The following SNX13 variants were observed in gnomAD, a reference collection of about 807,000 sequenced individuals.
The protein encoded by SNX13 is sorting nexin-13.
In SNX13, 45 loss-of-function variants were observed where a neutral mutation model predicts 133.6. That is an observed-to-expected ratio of 0.34 (90% CI 0.27 to 0.43). SNX13 has a LOEUF of 0.43. Ranked by LOEUF, SNX13 falls within the 20% of genes least tolerant of loss-of-function variation. The pLI, the probability that SNX13 is intolerant of heterozygous loss-of-function variation, is 1.00. For missense variants in SNX13, 1,032 were observed against 1,145.1 expected, an observed-to-expected ratio of 0.90 and a Z score of 1.43; for synonymous variants, 414 against 373.9, an observed-to-expected ratio of 1.11 and a Z score of -1.24.
intron 1 of SNX13, among the ~76,000 whole-genome samples, chr7:17,906,357 C>A (rs1798395774): frequency 6.6e-6 from 1 of 152,064 alleles, no homozygotes; most frequent in Non-Finnish European, 1.5e-5. Flanking sequence ...TCATCCCTAA[C>A]ATTAGTATAA....
At chr7:17,929,215 A>T (rs1193307786) in intron 1 of SNX13, among the ~76,000 whole-genome samples, 3 of 152,110 alleles carry the variant, frequency 2.0e-5, no homozygotes, top group Admixed American at 6.5e-5. Context: ...GAAAGCATAG[A>T]GTGTAACTAT....
chr7:17,799,816 G>A (rs1442757557), intron 22 of SNX13, among the ~76,000 whole-genome samples: 1 of 151,614 alleles, frequency 6.6e-6, no homozygotes, highest in Non-Finnish European at 1.5e-5. Context: ...ATGCTTTGAT[G>A]CAAAAAAATA....
intron 9 of SNX13, among the ~76,000 whole-genome samples, chr7:17,863,177 C>T (rs959430671): frequency 7.9e-6 from 1 of 126,044 alleles, no homozygotes; most frequent in East Asian, 2.3e-4. Flanking sequence ...GGGGGAATAA[C>T]TCGAATCCAG....
chr7:17,853,958 GA>G lies in SNX13; in HGVS notation c.838-2995del, dbSNP rs552421485. Among the ~76,000 whole-genome samples, 873 of 143,902 alleles carry G rather than the reference GA, an allele frequency of 6.1e-3. 2 individuals carry two copies. The highest frequency in any genetic ancestry group is 0.01 in the Non-Finnish European group (653 of 65,172). The allele number at this position is 143,902 out of a possible 152,430, so 94.4% of individuals were successfully genotyped here. On this transcript the variant is annotated intron_variant, in intron 9 of 25. Coordinates refer to ENST00000428135, the MANE Select transcript of SNX13 (RefSeq NM_015132.5). ...TCCATCTCCAAAAAAAATAAAAAAA[GA>G]AAAAAAAAGAAAAAAGAAAAGAAAA...
At chr7:17,817,114 T>A (rs1285575635) in intron 18 of SNX13, among the ~76,000 whole-genome samples, 1 of 152,198 alleles carries the variant, frequency 6.6e-6, no homozygotes, top group Non-Finnish European at 1.5e-5. Context: ...TTAAGAACAG[T>A]CAGCATATAC....
intron 13 of SNX13, among the ~76,000 whole-genome samples, chr7:17,836,895 T>C (rs1454546092): frequency 6.6e-6 from 1 of 151,978 alleles, no homozygotes; most frequent in African/African-American, 2.4e-5. Flanking sequence ...TTAACAAAAA[T>C]AAATAATGAC....
Position 17,796,894 on chromosome 7 carries a change from G to C in SNX13, c.2559C>G (p.Cys853Trp), listed in dbSNP as rs1784118580. The C allele has an allele frequency of 1.2e-6, 2 of 1,610,950 alleles. No individual in the cohort carries two copies. The highest frequency in any genetic ancestry group is 1.7e-6 in the Non-Finnish European group (2 of 1,178,134). ...PNGILAEAVP[C>W]RDKSIRMRTR... ...TTCTCATTCGAATACTTTTATCTCTGCATGGAACAGCCTCTGCTAAAATGC... is the reference window on the plus strand; with the variant it reads ...TTCTCATTCGAATACTTTTATCTCTCCATGGAACAGCCTCTGCTAAAATGC... The change falls in exon 25 of 26, where the codon TGC becomes TGG. Residue 853 changes from cysteine (C) to tryptophan (W), a missense_variant. Physicochemically the swap from Cys to Trp is radical, Grantham distance 215. Transcript: ENST00000428135.
chr7:17,793,930 T>C lies in SNX13; in HGVS notation c.*115A>G, dbSNP rs1011623611. Reference sequence around the variant, plus strand: ...GACTTATGGATGTATTAATAATCTATTTTGAGACACTAAAAGACTGGTGCA... The same window carrying C: ...GACTTATGGATGTATTAATAATCTACTTTGAGACACTAAAAGACTGGTGCA... On this transcript the variant is annotated 3_prime_UTR_variant, in exon 26 of 26. Transcript: ENST00000428135. The C allele has an allele frequency of 7.8e-6, 9 of 1,150,190 alleles. No individual in the cohort carries two copies. Among genetic ancestry groups the C allele is most frequent in the Non-Finnish European group, 1.1e-5 (9 of 820,260 alleles). The allele number at this position is 1,150,190 out of a possible 1,614,324, so 71.2% of individuals were successfully genotyped here.
chr7:17,932,808 T>A (rs1361578383), intron 1 of SNX13, among the ~76,000 whole-genome samples: 1 of 152,234 alleles, frequency 6.6e-6, no homozygotes, highest in Non-Finnish European at 1.5e-5. Context: ...CAAGTCACAG[T>A]TATCTTTTAA....
chr7:17,884,278 A>C (rs1795716303), intron 5 of SNX13, among the ~76,000 whole-genome samples: 1 of 152,234 alleles, frequency 6.6e-6, no homozygotes, highest in Non-Finnish European at 1.5e-5. Context: ...TCTATGGCTG[A>C]AAATAGCTAA....
intron 9 of SNX13, among the ~76,000 whole-genome samples, chr7:17,865,661 A>G (rs185929484): frequency 6.6e-6 from 1 of 152,322 alleles, no homozygotes; most frequent in East Asian, 1.9e-4. Flanking sequence ...TGGAACCACA[A>G]AAGACCCAGA....
intron 18 of SNX13, 124 bp from the exon 19 acceptor site, chr7:17,816,413 G>A: frequency 2.5e-6 from 3 of 1,198,168 alleles, no homozygotes; most frequent in Non-Finnish European, 3.4e-6. Context: ...TGTAATCCCA[G>A]CACTTTGGGA....
chr7:17,914,684 T>C (rs372704312), intron 1 of SNX13, among the ~76,000 whole-genome samples: 1 of 152,156 alleles, frequency 6.6e-6, no homozygotes, highest in South Asian at 2.1e-4. Flanking sequence ...CTAAAGAAAT[T>C]TGCCACCATG....
At chr7:17,898,948 T>A (rs1215487987) in intron 1 of SNX13, 1 of 152,220 alleles carries the variant, frequency 6.6e-6, no homozygotes, top group Non-Finnish European at 1.5e-5. Context: ...ACGAAGTTTC[T>A]GCTCTGCCTC....
At chr7:17,925,591 C>G (rs1800654864) in intron 1 of SNX13, among the ~76,000 whole-genome samples, 1 of 152,098 alleles carries the variant, frequency 6.6e-6, no homozygotes, top group African/African-American at 2.4e-5. Flanking sequence ...AAATAAGGTA[C>G]TATCTCTAGT....
Position 17,868,442 on chromosome 7 carries a change from C to T in SNX13, c.802G>A (p.Asp268Asn), listed in dbSNP as rs1793665433. 1 of 1,609,854 alleles carries T rather than the reference C, an allele frequency of 6.2e-7. No homozygotes were observed. Among genetic ancestry groups the T allele is most frequent in the Non-Finnish European group, 8.5e-7 (1 of 1,178,084 alleles). The part of the protein sequence containing the change: ...ILLPLINQLS[D>N]PDYINQYVIW... ...ACATACTGATTAATATAATCAGGAT[C>T]ACTGAGTTGATTTATTAATGGAAGA... Residue 268 changes from aspartate (D) to asparagine (N), a missense_variant, in exon 9 of 26, where the codon GAT becomes AAT. Transcript: ENST00000428135.
At chr7:17,933,235 A>C (rs1469302212) in intron 1 of SNX13, among the ~76,000 whole-genome samples, 5 of 152,206 alleles carry the variant, frequency 3.3e-5, no homozygotes, top group Admixed American at 1.3e-4. Flanking sequence ...CTTTTTCAAA[A>C]CATTTTTTAG....
intron 22 of SNX13, among the ~76,000 whole-genome samples, chr7:17,801,208 A>C (rs574949636): frequency 1.3e-5 from 2 of 151,732 alleles, no homozygotes; most frequent in African/African-American, 4.8e-5. Flanking sequence ...ACAAGAATGA[A>C]GGAACTAAAA....
At position 17,848,626 on chromosome 7, in the gene SNX13, C is replaced by T. The variant is rs954267423; in HGVS notation, c.1065+1721G>A. Among the ~76,000 whole-genome samples, 6 of 152,174 alleles carry T rather than the reference C, an allele frequency of 3.9e-5. No individual in the cohort carries two copies. The East Asian group carries it at 1.2e-3, about 29-fold the overall frequency. ...GCTCTTGCCAGTGCTAATGCATCGG[C>T]CAGTTCCTCCACCCACTCACCTGGG... On this transcript the variant is annotated intron_variant, in intron 11 of 25. Coordinates refer to ENST00000428135, the MANE Select transcript of SNX13 (RefSeq NM_015132.5).
Sources: allele counts gnomAD v4.1 joint callset (sites outside exome capture counted in the v4.1 genomes callset), GRCh38; gene constraint gnomAD v4.1.1; transcripts MANE v1.5; gene names NCBI Gene and HGNC (gene_info 2026-07-23, HGNC 2026-07-21).